CRTC1: variants seen among roughly 807,000 people sequenced by gnomAD.
CRTC1 encodes the protein CREB regulated transcription coactivator 1.
A neutral mutation model predicts 66.1 loss-of-function variants in CRTC1; 18 were observed. The observed-to-expected ratio is 0.27, with a 90% CI of 0.19 to 0.40. CRTC1 has a LOEUF of 0.40. Ranked by LOEUF, CRTC1 falls within the 10% of genes least tolerant of loss-of-function variation. The pLI, the probability that CRTC1 is intolerant of heterozygous loss-of-function variation, is 1.00. For synonymous variants in CRTC1, 416 were observed against 398.8 expected (o/e 1.04, Z -0.51); for missense variants, 669 against 887.9 (o/e 0.75, Z 3.13).
chr19:18,703,569 T>G (rs574973480), intron 1 of CRTC1, among the ~76,000 whole-genome samples: 2 of 152,288 alleles, frequency 1.3e-5, no homozygotes, highest in South Asian at 4.1e-4. Context: ...TTCAAGCGAT[T>G]CTGGTGTCTT....
At chr19:18,747,282 C>G (rs1054834364) in intron 4 of CRTC1, among the ~76,000 whole-genome samples, 168 bp downstream of exon 4, 8 of 152,192 alleles carry the variant, frequency 5.3e-5, no homozygotes, top group Admixed American at 5.2e-4. Flanking sequence ...CACAGGAGTT[C>G]CAGCTTTGGG....
intron 1 of CRTC1, among the ~76,000 whole-genome samples, chr19:18,696,369 T>C (rs1280993738): frequency 1.3e-5 from 2 of 152,064 alleles, no homozygotes; most frequent in Non-Finnish European, 2.9e-5. Flanking sequence ...CATGGAAGGT[T>C]CTAGTGGGAT....
rs571840649 is a variant in CRTC1 at position 18,760,644 on chromosome 19, C to A, written c.886+416C>A. ...GACAGTGACCACCTACTTGTCACATCCCAGCACCACCACCCCCACCCGTCT... is the reference window on the plus strand; with the variant it reads ...GACAGTGACCACCTACTTGTCACATACCAGCACCACCACCCCCACCCGTCT... On this transcript the variant is annotated intron_variant, in intron 8 of 13. Coordinates refer to ENST00000321949, the MANE Select transcript of CRTC1 (RefSeq NM_015321.3). This position sits in a 1 kb window ranked among gnomAD's most constrained non-coding sequence, Gnocchi z 6.2. 6.6e-6 allele frequency among the ~76,000 whole-genome samples: 1 copy of A among 152,132 alleles called. No individual in the cohort carries two copies. Among genetic ancestry groups the A allele is most frequent in the African/African-American group, 2.4e-5 (1 of 41,476 alleles).
At chr19:18,759,146 C>T (rs1449657467) in intron 6 of CRTC1, among the ~76,000 whole-genome samples, 5 of 152,130 alleles carry the variant, frequency 3.3e-5, no homozygotes, top group Non-Finnish European at 5.9e-5. Flanking sequence ...GAGGCTGCGG[C>T]GAGCTGTGAT....
Position 18,768,620 on chromosome 19 carries a change from C to A in CRTC1, c.1147C>A (p.Pro383Thr). ...PPPASQQPPP[P>T]PPPQAPVRLP... The stretch of plus-strand genomic sequence containing the variant: ...ACCCGCGTCCCAGCAGCCACCACCC[C>A]CGCCACCCCCACAGGCGCCCGTCCG... Residue 383 changes from proline to threonine, a missense_variant, in exon 10 of 14, where the codon CCG (proline) becomes ACG (threonine). Transcript: ENST00000321949. This position sits in a 1 kb window ranked among gnomAD's most constrained non-coding sequence, Gnocchi z 5.6. 6.6e-7 allele frequency: 1 copy of A among 1,508,358 alleles called. No homozygotes were observed. The highest frequency in any genetic ancestry group is 2.0e-5 in the Admixed American group (1 of 50,576). The allele number at this position is 1,508,358 out of a possible 1,614,324, so 93.4% of individuals were successfully genotyped here.
intron 8 of CRTC1, among the ~76,000 whole-genome samples, chr19:18,761,449 G>GCC (rs1568532497): frequency 6.6e-6 from 1 of 152,202 alleles, no homozygotes; most frequent in Non-Finnish European, 1.5e-5. Context: ...GCTCTGTCTT[G>GCC]CCCCAGAGCT....
At chr19:18,708,691 C>T (rs1295843687) in intron 1 of CRTC1, among the ~76,000 whole-genome samples, 2 of 152,212 alleles carry the variant, frequency 1.3e-5, no homozygotes, top group African/African-American at 2.4e-5. Context: ...GTTTGAGAGG[C>T]AGACGGAGCG....
rs1184306208 is a variant in CRTC1, at chr19:18,768,514, G to T, written c.1041G>T (p.Glu347Asp). Reference protein sequence around the residue: ...QAVAMDALSLEQQLPYAFFTQ... With the variant: ...QAVAMDALSLDQQLPYAFFTQ... ...TAGCCATGGACGCCCTGTCTCTGGA[G>T]CAGCAGCTGCCCTACGCCTTCTTCA... Residue 347 changes from glutamate to aspartate, a missense_variant, in exon 10 of 14, where the codon GAG (glutamate) becomes GAT (aspartate). This residue lies in a region of CRTC1 where 241 missense variants were observed against 242.2 expected (regional missense o/e 0.99). Coordinates refer to ENST00000321949, the MANE Select transcript of CRTC1 (RefSeq NM_015321.3). This position sits in a 1 kb window ranked among gnomAD's most constrained non-coding sequence, Gnocchi z 5.6. 2 of 1,609,730 alleles carry T rather than the reference G, an allele frequency of 1.2e-6. No individual in the cohort carries two copies. Among genetic ancestry groups the T allele is most frequent in the Admixed American group, 3.3e-5 (2 of 59,896 alleles).
chr19:18,746,875 C>T (rs936231206), intron 3 of CRTC1, among the ~76,000 whole-genome samples, 178 bp from the exon 4 acceptor site: 2 of 152,176 alleles, frequency 1.3e-5, no homozygotes, highest in Admixed American at 6.5e-5. Context: ...GGAACGGGGG[C>T]TGCTTGTAGC....
intron 1 of CRTC1, among the ~76,000 whole-genome samples, chr19:18,717,324 G>A (rs562418503): frequency 6.6e-6 from 1 of 152,176 alleles, no homozygotes; most frequent in Non-Finnish European, 1.5e-5. Flanking sequence ...GCCAGGACTG[G>A]GTCTGTCTCC....
At chr19:18,720,432 C>T (rs576747198) in intron 1 of CRTC1, among the ~76,000 whole-genome samples, 1 of 152,146 alleles carries the variant, frequency 6.6e-6, no homozygotes, top group East Asian at 1.9e-4. Flanking sequence ...TCACTGCAAG[C>T]TCCGCCTTCC....
intron 1 of CRTC1, among the ~76,000 whole-genome samples, chr19:18,728,470 C>T (rs970341439): frequency 8.5e-5 from 13 of 152,164 alleles, no homozygotes; most frequent in Admixed American, 7.2e-4. Context: ...CGTAACATCA[C>T]AGAGCAGCTC....
At chr19:18,697,888 C>G (rs1344864564) in intron 1 of CRTC1, among the ~76,000 whole-genome samples, 1 of 152,244 alleles carries the variant, frequency 6.6e-6, no homozygotes, top group East Asian at 1.9e-4. Context: ...CACTTCGTGC[C>G]CACACAAGGA....
rs2055082648 is a variant in CRTC1, at chr19:18,780,490, GT to G, written c.*3110del. ...GGTTTTCGGCTCTGGGGAGGAGAGTGTTGGCATCAGTGTGTTTGGCCTGATT... is the reference window on the plus strand; with the variant it reads ...GGTTTTCGGCTCTGGGGAGGAGAGTGTGGCATCAGTGTGTTTGGCCTGATT... On this transcript the variant is annotated 3_prime_UTR_variant, in exon 14 of 14. Coordinates refer to ENST00000321949, the MANE Select transcript of CRTC1 (RefSeq NM_015321.3). The G allele has an allele frequency of 4.3e-6, 1 of 231,348 alleles. No individual in the cohort carries two copies. Among genetic ancestry groups the G allele is most frequent in the Admixed American group, 5.6e-5 (1 of 17,724 alleles). The allele number at this position is 231,348 out of a possible 1,614,324, so 14.3% of individuals were successfully genotyped here. A position where few individuals can be genotyped will look rare whatever the true frequency, so the allele number is the denominator to read the frequency against.
At chr19:18,697,969 T>G (rs1015745281) in intron 1 of CRTC1, among the ~76,000 whole-genome samples, 2 of 143,132 alleles carry the variant, frequency 1.4e-5, no homozygotes, top group East Asian at 4.2e-4. Flanking sequence ...TCAGCTGGTG[T>G]TCAACAGGCT....
At chr19:18,687,154 T>A (rs1351847951) in intron 1 of CRTC1, among the ~76,000 whole-genome samples, 1 of 151,844 alleles carries the variant, frequency 6.6e-6, no homozygotes, top group Admixed American at 6.6e-5. Flanking sequence ...TAGCTGGGAT[T>A]ACAGGCATCT....
chr19:18,736,060 C>T (rs540196029), intron 1 of CRTC1, among the ~76,000 whole-genome samples: 1 of 152,272 alleles, frequency 6.6e-6, no homozygotes, highest in South Asian at 2.1e-4. Context: ...TGGTTTTCAG[C>T]TGTTGACCCA....
intron 7 of CRTC1, 74 bp downstream of exon 7, chr19:18,759,665 ACT>A: frequency 2.6e-6 from 4 of 1,530,112 alleles, no homozygotes; most frequent in African/African-American, 1.4e-5. Context: ...CATTCTGTCC[ACT>A]CTCTTGAGGT....
chr19:18,777,985 C>T lies in CRTC1; in HGVS notation c.*603C>T, dbSNP rs2055031968. ...TATATTTCTGAGCACACACAGAGCC[C>T]TGGCGTCCACCGGGGCAGGCGCAAA... On this transcript the variant is annotated 3_prime_UTR_variant, in exon 14 of 14. Coordinates refer to ENST00000321949, the MANE Select transcript of CRTC1 (RefSeq NM_015321.3). This position sits in a 1 kb window ranked among gnomAD's most constrained non-coding sequence, Gnocchi z 5.5. The T allele has an allele frequency of 1.3e-5, 3 of 239,342 alleles. No individual in the cohort carries two copies. The East Asian group carries it at 1.8e-4, about 14-fold the overall frequency. 14.8% of individuals were successfully genotyped at this position (239,342 alleles called of 1,614,324 possible).
Sources: gnomAD v4.1 joint callset for allele counts (sites outside exome capture counted in the v4.1 genomes callset) on GRCh38, gnomAD v4.1.1 for gene constraint, gnomAD v4.1.1 regional missense constraint, Gnocchi (gnomAD v3.1) non-coding constraint, MANE v1.5 for transcripts, NCBI Gene and HGNC (gene_info 2026-07-23, HGNC 2026-07-21) for gene names.